Variants in KRT86 observed in about 807,000 individuals in gnomAD.
KRT86 encodes keratin, type II cuticular Hb6.
KRT86 carries 30 observed loss-of-function variants against 41.2 expected under a neutral mutation model. The ratio of observed to expected loss-of-function variants is 0.73; its 90% CI spans 0.54 to 0.99. The LOEUF (loss-of-function observed/expected upper bound fraction) is 0.99. Among genes scored for constraint, KRT86 ranks in the 50% least tolerant of loss-of-function variants. KRT86 has a pLI of 0.00. For missense variants in KRT86, 561 were observed against 571.4 expected, an observed-to-expected ratio of 0.98 and a Z score of 0.19; for synonymous variants, 238 against 238.1, an observed-to-expected ratio of 1.00 and a Z score of 0.00.
intron 2 of KRT86, among the ~76,000 whole-genome samples, chr12:52,293,509 C>A (rs1052229665): frequency 6.6e-6 from 1 of 152,054 alleles, no homozygotes; most frequent in Non-Finnish European, 1.5e-5. Context: ...GAGAGTCCAT[C>A]TAAGGAAGAC....
At chr12:52,301,647 T>A (rs1227172782) in intron 2 of KRT86, among the ~76,000 whole-genome samples, 1 of 152,066 alleles carries the variant, frequency 6.6e-6, no homozygotes, top group East Asian at 1.9e-4. Flanking sequence ...AGTTGGTCCT[T>A]TGAAGAAGAA....
At chr12:52,276,845 T>C (rs61914248) in intron 2 of KRT86, among the ~76,000 whole-genome samples, 2,186 of 152,292 alleles carry the variant, frequency 0.014, 22 homozygotes, top group Non-Finnish European at 0.023. Flanking sequence ...TCTCACTCCA[T>C]GGAGGGAAGG....
At chr12:52,301,758 T>G in intron 2 of KRT86, 155 bp from the exon 3 acceptor site, 1 of 1,478,630 alleles carries the variant, frequency 6.8e-7, no homozygotes, top group Non-Finnish European at 9.3e-7. Flanking sequence ...CCCAAGCCCA[T>G]AAAGCCTTCT....
intron 9 of KRT86, 45 bp from the exon 10 acceptor site, chr12:52,308,188 G>A (rs201698711): frequency 1.2e-6 from 2 of 1,613,798 alleles, no homozygotes; most frequent in African/African-American, 2.7e-5. Flanking sequence ...ACGGGGGCCC[G>A]GCGCCTTTTC....
At chr12:52,300,372 A>G (rs76413558) in intron 2 of KRT86, among the ~76,000 whole-genome samples, 17,353 of 152,218 alleles carry the variant, frequency 0.11, 1,048 homozygotes, top group African/African-American at 0.13. Flanking sequence ...CAGAACATGA[A>G]TTCTGAATAA....
intron 2 of KRT86, chr12:52,288,555 T>TGCTTTC: frequency 1.5e-6 from 2 of 1,359,282 alleles, no homozygotes; most frequent in South Asian, 1.2e-5. Context: ...GGGAAAGCAG[T>TGCTTTC]CCCTGGTGTC....
chr12:52,292,461 A>G (rs1385643951), intron 2 of KRT86, among the ~76,000 whole-genome samples: 2 of 152,220 alleles, frequency 1.3e-5, no homozygotes, highest in Admixed American at 1.3e-4. Flanking sequence ...TGTATTTTCT[A>G]TAAATTAGAA....
At chr12:52,288,914 T>A (rs1261400917) in intron 2 of KRT86, among the ~76,000 whole-genome samples, 31 of 149,548 alleles carry the variant, frequency 2.1e-4, no homozygotes, top group Middle Eastern at 6.9e-3. Context: ...AGAGACATTG[T>A]ATCTGCTATG....
chr12:52,306,311 C>T (rs1938517639), intron 9 of KRT86, 31 bp downstream of exon 9: 1 of 1,612,830 alleles, frequency 6.2e-7, no homozygotes, highest in African/African-American at 1.3e-5. Context: ...CCTTTCCCAG[C>T]CCTGCCAGGG....
chr12:52,283,024 G>A (rs1472889150), intron 2 of KRT86, among the ~76,000 whole-genome samples: 3 of 152,084 alleles, frequency 2.0e-5, no homozygotes, highest in Admixed American at 6.6e-5. Context: ...AACAACATGC[G>A]CATACACTGC....
chr12:52,308,092 T>G, intron 9 of KRT86, 141 bp from the exon 10 acceptor site: 1 of 1,082,990 alleles, frequency 9.2e-7, no homozygotes, highest in Non-Finnish European at 1.3e-6. Flanking sequence ...GAGTCTACAC[T>G]GGCTCCTGGC....
rs749435372 is a variant in KRT86 at position 52,308,549 on chromosome 12, G to T, written c.1425G>T (p.Arg475=). 1.2e-6 allele frequency: 2 copies of T among 1,600,712 alleles called. No homozygotes were observed. The highest frequency in any genetic ancestry group is 1.1e-5 in the South Asian group (1 of 91,076). Residue 475 remains arginine (R), a synonymous_variant, in exon 11 of 11, where the codon CGG becomes CGT. Transcript: ENST00000423955. ...CTAACGCCTGCGCCCCCTCCGCCCGGGTTGGCGTCTGCGGCGGCAGCTGTA... is the reference window on the plus strand; with the variant it reads ...CTAACGCCTGCGCCCCCTCCGCCCGTGTTGGCGTCTGCGGCGGCAGCTGTA... The part of the protein sequence containing the change: ...GTTNACAPSA[R]VGVCGGSCKR...
chr12:52,309,001 T>G lies in KRT86; in HGVS notation c.*416T>G, dbSNP rs1452268190. On this transcript the variant is annotated 3_prime_UTR_variant, in exon 11 of 11. Transcript: ENST00000423955. The stretch of plus-strand genomic sequence containing the variant: ...GTGGAATGGAGACGCGGACCCTGGA[T>G]AGTGGTTCTATGACTCTGCGAGGGA... 9 of 236,198 alleles carry G rather than the reference T, an allele frequency of 3.8e-5. No homozygotes were observed. In the East Asian group the frequency reaches 1.1e-3, roughly 30 times the overall value. 14.6% of individuals were successfully genotyped at this position (236,198 alleles called of 1,614,324 possible).
At chr12:52,288,605 A>G (rs1235190697) in intron 2 of KRT86, 22 of 995,752 alleles carry the variant, frequency 2.2e-5, no homozygotes, top group South Asian at 6.5e-5. Context: ...CCTTCCTGGG[A>G]TGAGCTGGCA....
intron 2 of KRT86, among the ~76,000 whole-genome samples, chr12:52,284,874 A>G (rs1937876206): frequency 6.6e-6 from 1 of 152,138 alleles, no homozygotes; most frequent in Non-Finnish European, 1.5e-5. Context: ...TGTCAAGTTA[A>G]TACTTCCATG....
intron 2 of KRT86, among the ~76,000 whole-genome samples, chr12:52,288,739 AC>A (rs1362212132): frequency 1.3e-5 from 2 of 150,292 alleles, no homozygotes; most frequent in African/African-American, 2.4e-5. Flanking sequence ...GCCCAGACTG[AC>A]CCCCCAGCTC....
intron 2 of KRT86, chr12:52,288,540 G>T (rs1467300569): frequency 6.5e-7 from 1 of 1,530,540 alleles, no homozygotes; most frequent in Non-Finnish European, 9.1e-7. Context: ...ATTCCATGTA[G>T]CCAGGGGAAA....
intron 2 of KRT86, chr12:52,287,733 A>T: frequency 6.2e-7 from 1 of 1,614,022 alleles, no homozygotes; most frequent in Non-Finnish European, 8.5e-7. Flanking sequence ...TGGGGGAAGT[A>T]GAGATGCTCA....
Position 52,305,043 on chromosome 12 carries a change from C to A in KRT86, c.735+16C>A. On this transcript the variant is annotated intron_variant, in intron 6 of 10. Coordinates refer to ENST00000423955, the MANE Select transcript of KRT86 (RefSeq NM_001320198.2). ...GTATGAGGAGGTGCGGGCTCAGGGG[C>A]CAGGCAGAGACCTGGCAGCCAGCAG... is the stretch of plus-strand genomic sequence containing the variant. 3.1e-6 allele frequency: 5 copies of A among 1,613,468 alleles called. No homozygotes were observed. Among genetic ancestry groups the A allele is most frequent in the Non-Finnish European group, 4.2e-6 (5 of 1,179,824 alleles).
Sources: gnomAD v4.1 joint callset for allele counts (sites outside exome capture counted in the v4.1 genomes callset) on GRCh38, gnomAD v4.1.1 for gene constraint, MANE v1.5 for transcripts, NCBI Gene and HGNC (gene_info 2026-07-23, HGNC 2026-07-21) for gene names.